PCDHA2: variants seen among roughly 807,000 people sequenced by gnomAD.
PCDHA2 encodes the protein protocadherin alpha 2.
Under a neutral mutation model 66.0 loss-of-function variants are expected in PCDHA2, and 58 were observed. The observed-to-expected ratio is 0.88, with a 90% CI of 0.71 to 1.09. PCDHA2 has a LOEUF of 1.09. Among genes scored for constraint, PCDHA2 ranks in the 50% least tolerant of loss-of-function variants. The probability of loss-of-function intolerance (pLI) is 0.00; values close to 1 mark genes in which losing one functional copy is unlikely to be tolerated. For missense variants in PCDHA2, 1,267 were observed against 1,242.3 expected (o/e 1.02, Z -0.30); for synonymous variants, 634 against 554.0 (o/e 1.14, Z -2.03).
chr5:140,871,234 G>T (rs1554165295), intron 1 of PCDHA2: 3 of 1,613,844 alleles, frequency 1.9e-6, no homozygotes, highest in Non-Finnish European at 2.5e-6. Flanking sequence ...CAGCCTCCTG[G>T]TACTCACGCT....
chr5:140,802,208 A>T, intron 1 of PCDHA2: 1 of 1,614,170 alleles, frequency 6.2e-7, no homozygotes, highest in Non-Finnish European at 8.5e-7. Flanking sequence ...GCACAGTTCT[A>T]CTCGAAATTG....
At chr5:140,836,282 G>C (rs1554135789) in intron 1 of PCDHA2, 6 of 1,613,806 alleles carry the variant, frequency 3.7e-6, no homozygotes, top group Non-Finnish European at 5.1e-6. Context: ...AGATCAGCAC[G>C]ACACGAGCCC....
At chr5:140,804,086 A>T (rs541716401) in intron 1 of PCDHA2, 1 of 160,086 alleles carries the variant, frequency 6.2e-6, no homozygotes, top group Non-Finnish European at 1.4e-5. Flanking sequence ...CAAAAATTAG[A>T]TCATTACACC....
intron 3 of PCDHA2, among the ~76,000 whole-genome samples, chr5:140,999,591 C>T (rs2153957965): frequency 1.3e-5 from 2 of 152,208 alleles, no homozygotes; most frequent in South Asian, 4.2e-4. Flanking sequence ...AATTGCCTTC[C>T]CTACATCCTG....
intron 1 of PCDHA2, chr5:140,871,159 G>A (rs781816033): frequency 1.2e-6 from 2 of 1,613,450 alleles, no homozygotes; most frequent in African/African-American, 1.3e-5. Flanking sequence ...GGCGGGCGCC[G>A]CGAGCCCAGA....
intron 1 of PCDHA2, chr5:140,802,846 C>T (rs782401655): frequency 2.5e-6 from 4 of 1,613,542 alleles, no homozygotes; most frequent in African/African-American, 2.7e-5. Context: ...AGCAACGTGA[C>T]GCTGCAGGTG....
intron 1 of PCDHA2, among the ~76,000 whole-genome samples, chr5:140,951,121 C>A (rs1223231581): frequency 6.9e-6 from 1 of 145,374 alleles, no homozygotes; most frequent in African/African-American, 2.6e-5. Context: ...TCATTCCTTA[C>A]CAATAAGTTT....
intron 1 of PCDHA2, among the ~76,000 whole-genome samples, chr5:140,947,744 TG>T (rs1227312993): frequency 6.6e-6 from 1 of 151,630 alleles, no homozygotes; most frequent in Non-Finnish European, 1.5e-5. Flanking sequence ...CCTATTCTTA[TG>T]TATTTTATGG....
At chr5:140,835,741 C>A (rs558922738) in intron 1 of PCDHA2, 1 of 1,613,586 alleles carries the variant, frequency 6.2e-7, no homozygotes, top group Admixed American at 1.7e-5. Flanking sequence ...GACAACGCCC[C>A]GGCGTTCGCG....
intron 1 of PCDHA2, among the ~76,000 whole-genome samples, chr5:140,950,405 T>G (rs1258791881): frequency 3.3e-5 from 5 of 152,042 alleles, no homozygotes; most frequent in African/African-American, 1.2e-4. Flanking sequence ...TCTGGGGGAT[T>G]GACAGATTTT....
At chr5:140,803,171 A>T (rs1289199401) in intron 1 of PCDHA2, 1 of 1,613,864 alleles carries the variant, frequency 6.2e-7, no homozygotes, top group Admixed American at 1.7e-5. Flanking sequence ...GTGAACCCTC[A>T]TTGACCGCCA....
intron 1 of PCDHA2, chr5:140,851,808 A>G (rs1231685115): frequency 1.1e-6 from 1 of 948,168 alleles, no homozygotes; most frequent in Non-Finnish European, 1.3e-6. Context: ...TCAGTAATCC[A>G]TAAGACAGAA....
chr5:140,796,808 C>G lies in PCDHA2; in HGVS notation c.1844C>G (p.Thr615Ser). ...CTTTCGTACGAGCTTCAGCTGGGTACTGGCAGCGCTCGCATCCCGTTCCGC... is the reference window on the plus strand; with the variant it reads ...CTTTCGTACGAGCTTCAGCTGGGTAGTGGCAGCGCTCGCATCCCGTTCCGC... ...AWLSYELQLG[T>S]GSARIPFRVG... The change falls in exon 1 of 4, where the codon ACT becomes AGT. Residue 615 changes from threonine (T) to serine (S), a missense_variant. By Grantham distance (58) the Thr-to-Ser change is moderately conservative. Transcript: ENST00000526136. The G allele has an allele frequency of 6.2e-7, 1 of 1,614,152 alleles. No individual in the cohort carries two copies. The highest frequency in any genetic ancestry group is 8.5e-7 in the Non-Finnish European group (1 of 1,179,980).
Position 140,832,211 on chromosome 5 carries a change from A to G in PCDHA2, c.2388+34859A>G, listed in dbSNP as rs143111478. 2.9e-3 allele frequency among the ~76,000 whole-genome samples: 436 copies of G among 152,312 alleles called. 3 individuals are homozygous for G. Among genetic ancestry groups the G allele is most frequent in the Middle Eastern group, 0.014 (4 of 294 alleles). Reference sequence around the variant, plus strand: ...CATTTAACCTGCTGAGTCCTCAGTGATTTCCTGGAGTTGGTTTTGACTTTT... The same window carrying G: ...CATTTAACCTGCTGAGTCCTCAGTGGTTTCCTGGAGTTGGTTTTGACTTTT... On this transcript the variant is annotated intron_variant, in intron 1 of 3. Coordinates refer to ENST00000526136, the MANE Select transcript of PCDHA2 (RefSeq NM_018905.3).
intron 3 of PCDHA2, among the ~76,000 whole-genome samples, chr5:141,004,282 G>T (rs1444607316): frequency 3.3e-5 from 5 of 152,190 alleles, no homozygotes; most frequent in African/African-American, 1.2e-4. Context: ...ACATGCTGCT[G>T]AGCTCTCAGA....
intron 1 of PCDHA2, chr5:140,830,375 G>C: frequency 6.2e-7 from 1 of 1,614,172 alleles, no homozygotes; most frequent in Non-Finnish European, 8.5e-7. Context: ...GTGCTCCGGG[G>C]AGGGCCCACC....
At chr5:140,964,222 A>G (rs2095818106) in intron 1 of PCDHA2, among the ~76,000 whole-genome samples, 1 of 152,254 alleles carries the variant, frequency 6.6e-6, no homozygotes, top group African/African-American at 2.4e-5. Flanking sequence ...AATGTCTTTC[A>G]AAATGAGGCT....
At chr5:140,882,210 C>G in intron 1 of PCDHA2, 3 of 1,533,604 alleles carry the variant, frequency 2.0e-6, no homozygotes, top group Admixed American at 2.1e-5. Flanking sequence ...CCTTGAGAGA[C>G]AGTTTGAGGT....
chr5:140,917,294 G>A (rs1369973116), intron 1 of PCDHA2, among the ~76,000 whole-genome samples: 2 of 143,498 alleles, frequency 1.4e-5, no homozygotes, highest in Non-Finnish European at 3.0e-5. Flanking sequence ...TCCGTGTGCA[G>A]ATAGTTGTTA....
Sources: gnomAD v4.1 joint callset for allele counts (sites outside exome capture counted in the v4.1 genomes callset) on GRCh38, gnomAD v4.1.1 for gene constraint, MANE v1.5 for transcripts, NCBI Gene and HGNC (gene_info 2026-07-23, HGNC 2026-07-21) for gene names.